Variants in GPR155 observed in about 807,000 individuals in gnomAD.
GPR155 encodes lysosomal cholesterol signaling protein.
GPR155 carries 65 observed loss-of-function variants against 93.1 expected under a neutral mutation model. The ratio of observed to expected loss-of-function variants is 0.70; its 90% CI spans 0.57 to 0.86. The LOEUF (loss-of-function observed/expected upper bound fraction) is 0.86. Ranked by LOEUF, GPR155 falls within the 40% of genes least tolerant of loss-of-function variation. The pLI, the probability that GPR155 is intolerant of heterozygous loss-of-function variation, is 0.00. For synonymous variants in GPR155, 319 were observed against 360.1 expected (o/e 0.89, Z 1.29); for missense variants, 838 against 1,034.8 (o/e 0.81, Z 2.61).
intron 2 of GPR155, among the ~76,000 whole-genome samples, chr2:174,474,225 A>C (rs777838003): frequency 1.2e-4 from 19 of 152,364 alleles, no homozygotes; most frequent in Middle Eastern, 3.4e-3. Context: ...TTTTAACAGC[A>C]GAGCAGAGGG....
rs776873001 is a variant in GPR155, at chr2:174,453,761, G to C, written c.1852C>G (p.Pro618Ala). 2 of 1,610,850 alleles carry C rather than the reference G, an allele frequency of 1.2e-6. No homozygotes were observed. Among genetic ancestry groups the C allele is most frequent in the South Asian group, 2.2e-5 (2 of 91,034 alleles). Reference sequence around the variant, plus strand: ...CTTTTCTCAAACGAAGGAATCACAGGCTCACTGGTGCTTGTGTTTGCTATT... The same window carrying C: ...CTTTTCTCAAACGAAGGAATCACAGCCTCACTGGTGCTTGTGTTTGCTATT... ...EPIANTSTSE[P>A]VIPSFEKNNH... Residue 618 changes from proline (P) to alanine (A), a missense_variant, in exon 11 of 16, where the codon CCT becomes GCT. Physicochemically the swap from Pro to Ala is conservative, Grantham distance 27 (BLOSUM62 -1). Around this residue, in one of 3 missense-constraint regions of GPR155, gnomAD observed 663 missense variants for 790.1 expected, o/e 0.84. Transcript: ENST00000392552.
At chr2:174,465,956 T>TAAC (rs1271466467) in intron 6 of GPR155, 54 bp from the exon 7 acceptor site, 2 of 764,646 alleles carry the variant, frequency 2.6e-6, no homozygotes, top group Non-Finnish European at 4.5e-6. Context: ...ACCATATAAT[T>TAAC]CAATACTGCA....
Position 174,453,719 on chromosome 2 carries a change from TAGTCCAG to T in GPR155, c.1876+11_1876+17del. 8.8e-7 allele frequency: 1 copy of T among 1,133,944 alleles called. No homozygotes were observed. Among genetic ancestry groups the T allele is most frequent in the Non-Finnish European group, 1.3e-6 (1 of 746,954 alleles). 70.2% of individuals were successfully genotyped at this position (1,133,944 alleles called of 1,614,324 possible). A position where few individuals can be genotyped will look rare whatever the true frequency, so the allele number is the denominator to read the frequency against. On this transcript the variant is annotated intron_variant, in intron 11 of 15. Coordinates refer to ENST00000392552, the MANE Select transcript of GPR155 (RefSeq NM_152529.7). ...CTTCTGTCCCTTAATCCCATCCTCA[TAGTCCAG>T]AGGCACTTACTTTTCTCAAACGAAG...
chr2:174,436,178 G>A lies in GPR155; in HGVS notation c.2551C>T (p.Gln851Ter). Residue 851 changes from glutamine (Q) to a stop codon, truncating the protein, a stop_gained, in exon 16 of 16, where the codon CAA becomes TAA. Transcript: ENST00000392552. LOFTEE classifies it high-confidence loss of function. ...TCAATTTCTTTATATCTTTCCTGTT[G>A]GAGAGTGTTTGCATTAATAGCAGGA... ...SPPAINANTL[Q>*]QERYKEIEHS... The A allele has an allele frequency of 4.3e-6, 7 of 1,613,860 alleles. No individual in the cohort carries two copies. The highest frequency in any genetic ancestry group is 2.2e-5 in the South Asian group (2 of 91,072).
Position 174,446,632 on chromosome 2 carries a change from A to C in GPR155, c.1992T>G (p.Leu664=), listed in dbSNP as rs1687140169. ...QLTRHVLLCL[L]LIIGLFANLS... is the part of the protein sequence containing the mutation. The stretch of plus-strand genomic sequence containing the variant: ...TTACAGCGAACAGGCCAATGATGAG[A>C]AGTAAACACAGCAACACATGTCGGG... Residue 664 remains leucine, a synonymous_variant, in exon 12 of 16, where the codon CTT becomes CTG. Transcript: ENST00000392552. The C allele has an allele frequency of 3.1e-6, 5 of 1,613,944 alleles. No homozygotes were observed. Among genetic ancestry groups the C allele is most frequent in the Non-Finnish European group, 4.2e-6 (5 of 1,179,938 alleles).
intron 9 of GPR155, among the ~76,000 whole-genome samples, 174 bp from the exon 10 acceptor site, chr2:174,460,262 G>A (rs773823923): frequency 1.4e-5 from 2 of 139,246 alleles, no homozygotes; most frequent in Admixed American, 8.2e-5. Context: ...CCAGGTTCAC[G>A]CCATTCTCCT....
Position 174,470,523 on chromosome 2 carries a change from A to G in GPR155, c.893T>C (p.Val298Ala), listed in dbSNP as rs1450990247. Residue 298 changes from valine to alanine, a missense_variant, in exon 4 of 16, where the codon GTG becomes GCG. Transcript: ENST00000392552. ...LVLPLLCREMVELLDKGDSVV... is the reference protein window; with the variant it reads ...LVLPLLCREMAELLDKGDSVV... ...ACTGTCGCCCTTGTCCAAGAGTTCCACCATTTCTCTGCACAGAAGTGGCAG... is the reference window on the plus strand; with the variant it reads ...ACTGTCGCCCTTGTCCAAGAGTTCCGCCATTTCTCTGCACAGAAGTGGCAG... The G allele has an allele frequency of 6.2e-7, 1 of 1,613,746 alleles. No homozygotes were observed. Among genetic ancestry groups the G allele is most frequent in the Non-Finnish European group, 8.5e-7 (1 of 1,180,004 alleles).
Position 174,434,472 on chromosome 2 carries a change from T to G in GPR155, c.*1644A>C, listed in dbSNP as rs1686717002. Reference sequence around the variant, plus strand: ...GTAGCATGAAAGTTAAAGATCAGATTGTACTTCTGCAGGACTGTGGAGATA... The same window carrying G: ...GTAGCATGAAAGTTAAAGATCAGATGGTACTTCTGCAGGACTGTGGAGATA... On this transcript the variant is annotated 3_prime_UTR_variant, in exon 16 of 16. Transcript: ENST00000392552. 6.6e-6 allele frequency: 1 copy of G among 152,130 alleles called. No homozygotes were observed. The allele number at this position is 152,130 out of a possible 1,614,324, so 9.4% of individuals were successfully genotyped here.
chr2:174,478,946 T>C (rs1688243814), intron 2 of GPR155, among the ~76,000 whole-genome samples: 1 of 152,178 alleles, frequency 6.6e-6, no homozygotes, highest in South Asian at 2.1e-4. Flanking sequence ...CTAATAGTTC[T>C]ACATCACACC....
intron 1 of GPR155, among the ~76,000 whole-genome samples, chr2:174,486,586 G>C (rs1292335690): frequency 1.3e-5 from 2 of 152,204 alleles, no homozygotes; most frequent in Non-Finnish European, 2.9e-5. Context: ...AGACAGGGTG[G>C]ACGCCCGTGC....
intron 7 of GPR155, among the ~76,000 whole-genome samples, chr2:174,463,205 T>C (rs925440115): frequency 6.6e-6 from 1 of 151,696 alleles, no homozygotes; most frequent in African/African-American, 2.4e-5. Context: ...GAATTTACAT[T>C]GGGTTTATTT....
At chr2:174,457,990 T>C (rs1687570316) in intron 10 of GPR155, among the ~76,000 whole-genome samples, 1 of 152,122 alleles carries the variant, frequency 6.6e-6, no homozygotes, top group Admixed American at 6.6e-5. Context: ...GCTCAAGCAA[T>C]CCTTCCAAAG....
At chr2:174,472,053 C>A (rs543823995) in intron 3 of GPR155, among the ~76,000 whole-genome samples, 1 of 152,238 alleles carries the variant, frequency 6.6e-6, no homozygotes, top group South Asian at 2.1e-4. Context: ...AATTATGTCA[C>A]CTGCACCATC....
intron 9 of GPR155, among the ~76,000 whole-genome samples, chr2:174,460,405 ACC>A (rs1275026366): frequency 6.6e-6 from 1 of 151,436 alleles, no homozygotes; most frequent in African/African-American, 2.4e-5. Context: ...CTCGTGACCC[ACC>A]CGCCTCGGCC....
chr2:174,455,058 T>A (rs1043950619), intron 10 of GPR155, among the ~76,000 whole-genome samples: 3 of 152,192 alleles, frequency 2.0e-5, no homozygotes, highest in African/African-American at 7.2e-5. Context: ...GAAGAGAGGA[T>A]TTTGTATGTT....
chr2:174,470,796 GA>G (rs1358253118), intron 3 of GPR155, among the ~76,000 whole-genome samples: 2 of 151,900 alleles, frequency 1.3e-5, no homozygotes, highest in Non-Finnish European at 2.9e-5. Flanking sequence ...GATTAGGAGG[GA>G]AAAAAAGATG....
chr2:174,465,060 A>T (rs1687800224), intron 7 of GPR155, among the ~76,000 whole-genome samples: 1 of 152,236 alleles, frequency 6.6e-6, no homozygotes, highest in Admixed American at 6.5e-5. Context: ...ACATACCAGA[A>T]TGCATGCATC....
intron 1 of GPR155, among the ~76,000 whole-genome samples, chr2:174,483,396 G>A (rs956618498): frequency 6.6e-6 from 1 of 152,020 alleles, no homozygotes; most frequent in African/African-American, 2.4e-5. Flanking sequence ...AATACAAAAT[G>A]TTTTGTAAAA....
At chr2:174,480,240 T>G (rs1281653362) in intron 2 of GPR155, among the ~76,000 whole-genome samples, 1 of 152,186 alleles carries the variant, frequency 6.6e-6, no homozygotes, top group African/African-American at 2.4e-5. Flanking sequence ...CCTATCCTTC[T>G]ACGTGACTTT....
Sources: gnomAD v4.1 joint callset for allele counts (sites outside exome capture counted in the v4.1 genomes callset) on GRCh38, gnomAD v4.1.1 for gene constraint, gnomAD v4.1.1 regional missense constraint, MANE v1.5 for transcripts, NCBI Gene and HGNC (gene_info 2026-07-23, HGNC 2026-07-21) for gene names.